The following UNC13C variants were observed in gnomAD, a reference collection of about 807,000 sequenced individuals.
The protein encoded by UNC13C is protein unc-13 homolog C.
In UNC13C, 174 loss-of-function variants were observed where a neutral mutation model predicts 245.4. That is an observed-to-expected ratio of 0.71 (90% CI 0.63 to 0.80). UNC13C has a LOEUF of 0.80. Among genes scored for constraint, UNC13C ranks in the 30% least tolerant of loss-of-function variants. The pLI, the probability that UNC13C is intolerant of heterozygous loss-of-function variation, is 0.00. For synonymous variants in UNC13C, 992 were observed against 895.1 expected (o/e 1.11, Z -1.93); for missense variants, 2,829 against 2,602.9 (o/e 1.09, Z -1.89).
chr15:54,243,897 A>G (rs773549306), intron 7 of UNC13C, among the ~76,000 whole-genome samples: 39 of 152,188 alleles, frequency 2.6e-4, no homozygotes, highest in Non-Finnish European at 1.3e-4. Context: ...AGACAGATAG[A>G]TTGCAAAAAT....
chr15:54,088,201 CTTTTTTTTTTTTT>C (rs59075201), intron 2 of UNC13C, among the ~76,000 whole-genome samples: 3,387 of 104,032 alleles, frequency 0.033, 158 homozygotes, highest in African/African-American at 0.11. Context: ...CTTCCTTTTC[CTTTTTTTTTTTTT>C]TTTTTTTTTT....
intron 19 of UNC13C, among the ~76,000 whole-genome samples, chr15:54,447,354 C>T (rs1301407227): frequency 6.6e-6 from 1 of 152,136 alleles, no homozygotes; most frequent in Non-Finnish European, 1.5e-5. Context: ...ATGGTACCAC[C>T]TCCTCCTTGT....
At chr15:54,066,541 T>C (rs1416680450) in intron 2 of UNC13C, among the ~76,000 whole-genome samples, 1 of 152,306 alleles carries the variant, frequency 6.6e-6, no homozygotes, top group East Asian at 1.9e-4. Flanking sequence ...TTCATTCAGC[T>C]CTCAACCCCA....
At chr15:54,600,471 G>A (rs1053001513) in intron 30 of UNC13C, among the ~76,000 whole-genome samples, 1 of 152,076 alleles carries the variant, frequency 6.6e-6, no homozygotes, top group Non-Finnish European at 1.5e-5. Context: ...GGTCCAATTT[G>A]AGAACAAGAT....
At chr15:54,000,937 G>T (rs1894858121) in intron 1 of UNC13C, among the ~76,000 whole-genome samples, 1 of 152,046 alleles carries the variant, frequency 6.6e-6, no homozygotes, top group South Asian at 2.1e-4. Flanking sequence ...TCATTTTGTA[G>T]GCAACACTTA....
At chr15:54,046,764 C>T (rs1897055762) in intron 2 of UNC13C, among the ~76,000 whole-genome samples, 1 of 151,596 alleles carries the variant, frequency 6.6e-6, no homozygotes. Context: ...AACAGTACAA[C>T]TTATAAGTAC....
intron 10 of UNC13C, among the ~76,000 whole-genome samples, chr15:54,267,551 T>A (rs2036578142): frequency 6.6e-6 from 1 of 152,118 alleles, no homozygotes; most frequent in African/African-American, 2.4e-5. Context: ...TACATTCTAT[T>A]TCTGTATCTA....
chr15:54,147,387 T>A (rs1197619561), intron 4 of UNC13C, among the ~76,000 whole-genome samples: 1 of 151,882 alleles, frequency 6.6e-6, no homozygotes, highest in Non-Finnish European at 1.5e-5. Flanking sequence ...GCCCGGCCAT[T>A]TTTTTGTATT....
intron 4 of UNC13C, among the ~76,000 whole-genome samples, chr15:54,153,076 TACTC>T (rs1488447485): frequency 6.6e-6 from 1 of 151,686 alleles, no homozygotes; most frequent in East Asian, 1.9e-4. Context: ...TGTAAATAAT[TACTC>T]ACTTCTTATT....
At chr15:54,194,459 A>T (rs1490835349) in intron 4 of UNC13C, among the ~76,000 whole-genome samples, 3 of 152,108 alleles carry the variant, frequency 2.0e-5, no homozygotes, top group African/African-American at 7.2e-5. Flanking sequence ...TTTAGTCATA[A>T]AATATTTAAA....
chr15:54,477,770 CT>C (rs1165483671), intron 19 of UNC13C, among the ~76,000 whole-genome samples: 1 of 146,706 alleles, frequency 6.8e-6, no homozygotes, highest in African/African-American at 2.5e-5. Context: ...CTAAAATTCT[CT>C]TTTTTGGTTG....
At chr15:53,895,948 A>C in the UNC13C span, among the ~76,000 whole-genome samples, 1 of 149,200 alleles carries the variant, frequency 6.7e-6, no homozygotes, top group East Asian at 2.0e-4. Context: ...TTAGTCCAGT[A>C]TATTTTAACT....
At chr15:54,108,638 TAGATTTACCTCCAGTGCTAGATAAGG>T (rs2141170003) in intron 2 of UNC13C, among the ~76,000 whole-genome samples, 1 of 152,314 alleles carries the variant, frequency 6.6e-6, no homozygotes, top group East Asian at 1.9e-4. Context: ...CCATAGCACA[TAGATTTACCTCCAGTGCTAGATAAGG>T]ACCAATGACA....
chr15:54,238,127 T>C (rs899009145), intron 7 of UNC13C, among the ~76,000 whole-genome samples: 1 of 139,026 alleles, frequency 7.2e-6, no homozygotes, highest in African/African-American at 2.7e-5. Flanking sequence ...CAGGCTGCAG[T>C]GCAGTGGCAC....
intron 19 of UNC13C, among the ~76,000 whole-genome samples, chr15:54,462,555 G>A (rs571017124): frequency 6.6e-6 from 1 of 152,338 alleles, no homozygotes; most frequent in South Asian, 2.1e-4. Flanking sequence ...TGAGCAACTG[G>A]CCAGTGCCCC....
At chr15:54,392,164 A>G (rs979359081) in intron 17 of UNC13C, among the ~76,000 whole-genome samples, 1 of 152,078 alleles carries the variant, frequency 6.6e-6, no homozygotes, top group Admixed American at 6.6e-5. Context: ...TTAACAAGTA[A>G]ATGTAAAAGA....
chr15:53,899,171 C>T, the UNC13C span, among the ~76,000 whole-genome samples: 1 of 152,168 alleles, frequency 6.6e-6, no homozygotes, highest in Non-Finnish European at 1.5e-5. Flanking sequence ...CACTATTGCA[C>T]TTATTTATGT....
At chr15:54,250,171 C>A in intron 7 of UNC13C, 54 bp from the exon 8 acceptor site, 1 of 1,522,736 alleles carries the variant, frequency 6.6e-7, no homozygotes, top group South Asian at 1.1e-5. Context: ...TATTTTGAAA[C>A]AATTCAAATC....
intron 8 of UNC13C, among the ~76,000 whole-genome samples, chr15:54,259,900 T>A (rs1280807047): frequency 6.6e-6 from 1 of 152,138 alleles, no homozygotes; most frequent in Non-Finnish European, 1.5e-5. Context: ...CCACAGGATA[T>A]TTATCATTTT....
Sources: gnomAD v4.1 joint callset for allele counts (sites outside exome capture counted in the v4.1 genomes callset) on GRCh38, gnomAD v4.1.1 for gene constraint, MANE v1.5 for transcripts, NCBI Gene and HGNC (gene_info 2026-07-23, HGNC 2026-07-21) for gene names.